Variants in PHACTR1 observed in about 807,000 individuals in gnomAD.
PHACTR1 encodes phosphatase and actin regulator 1, also known as RPEL repeat containing 1.
PHACTR1 carries 16 observed loss-of-function variants against 69.2 expected under a neutral mutation model. The ratio of observed to expected loss-of-function variants is 0.23; its 90% CI spans 0.16 to 0.35. The LOEUF is 0.35. Ranked by LOEUF, PHACTR1 falls within the 10% of genes least tolerant of loss-of-function variation. The probability of loss-of-function intolerance (pLI) is 1.00; values close to 1 mark genes in which losing one functional copy is unlikely to be tolerated. For missense variants in PHACTR1, 510 were observed against 734.7 expected, an observed-to-expected ratio of 0.69 and a Z score of 3.54; for synonymous variants, 312 against 284.5, an observed-to-expected ratio of 1.10 and a Z score of -0.97.
At chr6:13,020,985 T>C (rs1464418146) in intron 4 of PHACTR1, among the ~76,000 whole-genome samples, 1 of 152,128 alleles carries the variant, frequency 6.6e-6, no homozygotes, top group African/African-American at 2.4e-5. Context: ...TCCTGGAGGA[T>C]TTTTTAAAAA....
At chr6:13,112,278 T>C (rs928507126) in intron 5 of PHACTR1, among the ~76,000 whole-genome samples, 2 of 152,236 alleles carry the variant, frequency 1.3e-5, no homozygotes, top group African/African-American at 2.4e-5. Flanking sequence ...CAGTCTATCA[T>C]TGATGAGCGT....
intron 4 of PHACTR1, among the ~76,000 whole-genome samples, chr6:12,830,148 A>G (rs1034105092): frequency 2.5e-5 from 3 of 119,256 alleles, no homozygotes; most frequent in African/African-American, 7.8e-5. Context: ...AAAGAAAGAA[A>G]GAAAGAAAGA....
At chr6:13,043,342 G>A (rs1804488816) in intron 4 of PHACTR1, among the ~76,000 whole-genome samples, 1 of 152,126 alleles carries the variant, frequency 6.6e-6, no homozygotes, top group Non-Finnish European at 1.5e-5. Flanking sequence ...CACAAGAACC[G>A]CTTGAACCTG....
intron 4 of PHACTR1, among the ~76,000 whole-genome samples, chr6:13,051,117 C>T (rs1392586271): frequency 6.6e-6 from 1 of 152,046 alleles, no homozygotes; most frequent in African/African-American, 2.4e-5. Context: ...TCAGGCCGAC[C>T]CCCCCATTCT....
chr6:12,902,711 T>C (rs1785333288), intron 4 of PHACTR1, among the ~76,000 whole-genome samples: 1 of 152,226 alleles, frequency 6.6e-6, no homozygotes. Context: ...ATCAATCAAC[T>C]GGATGATGAT....
At chr6:12,873,037 G>T (rs1244354630) in intron 4 of PHACTR1, among the ~76,000 whole-genome samples, 3 of 146,896 alleles carry the variant, frequency 2.0e-5, no homozygotes, top group Non-Finnish European at 4.5e-5. Flanking sequence ...TTTCAACAGA[G>T]TCTTGTTTTG....
chr6:12,813,684 T>G (rs1323728324), intron 4 of PHACTR1, among the ~76,000 whole-genome samples: 1 of 152,154 alleles, frequency 6.6e-6, no homozygotes, highest in Non-Finnish European at 1.5e-5. Flanking sequence ...CTCTTACTAG[T>G]AAACTAAACT....
At chr6:13,041,058 C>CA (rs1804063218) in intron 4 of PHACTR1, among the ~76,000 whole-genome samples, 1 of 152,038 alleles carries the variant, frequency 6.6e-6, no homozygotes, top group South Asian at 2.1e-4. Flanking sequence ...TCCTATGTGG[C>CA]AAAATTAACA....
At position 12,841,165 on chromosome 6, in the gene PHACTR1, A is replaced by G. The variant is rs113079022; in HGVS notation, c.250+91375A>G. ...CACTTAATCCTCACAGCAATTCCTT[A>G]TGGTATGAGATAAGAAAACTGAGAT... On this transcript the variant is annotated intron_variant, in intron 4 of 14. Transcript: ENST00000332995. Among the ~76,000 whole-genome samples the G allele has an allele frequency of 9.4e-3, 1,432 of 152,324 alleles. 19 individuals are homozygous for G. Among genetic ancestry groups the G allele is most frequent in the African/African-American group, 0.033 (1,355 of 41,574 alleles).
intron 4 of PHACTR1, among the ~76,000 whole-genome samples, chr6:12,822,426 A>C (rs1022762056): frequency 2.6e-5 from 4 of 152,316 alleles, no homozygotes; most frequent in Non-Finnish European, 5.9e-5. Context: ...TACCACATGA[A>C]GGAGGGCTGG....
intron 5 of PHACTR1, among the ~76,000 whole-genome samples, chr6:13,092,456 A>C (rs1583320078): frequency 6.6e-6 from 1 of 152,338 alleles, no homozygotes; most frequent in East Asian, 1.9e-4. Flanking sequence ...AATGGTAAAG[A>C]ATCATTTGAG....
At chr6:12,936,704 C>T (rs781524418) in intron 4 of PHACTR1, among the ~76,000 whole-genome samples, 1 of 152,222 alleles carries the variant, frequency 6.6e-6, no homozygotes, top group Non-Finnish European at 1.5e-5. Context: ...AATGCGGCAG[C>T]AGGAGGACAA....
chr6:12,980,296 C>A (rs1341240436), intron 4 of PHACTR1, among the ~76,000 whole-genome samples: 1 of 151,986 alleles, frequency 6.6e-6, no homozygotes, highest in Non-Finnish European at 1.5e-5. Flanking sequence ...ATTATTTGGC[C>A]TGTTGATTTC....
intron 5 of PHACTR1, among the ~76,000 whole-genome samples, chr6:13,083,280 C>A (rs1421452196): frequency 3.3e-5 from 5 of 151,834 alleles, no homozygotes; most frequent in African/African-American, 1.2e-4. Context: ...TTTCTGAGGG[C>A]TCTGTTCTGT....
intron 4 of PHACTR1, among the ~76,000 whole-genome samples, chr6:12,768,183 C>T (rs1038683240): frequency 1.4e-5 from 2 of 141,290 alleles, no homozygotes; most frequent in Non-Finnish European, 3.0e-5. Flanking sequence ...GGCGCGATCT[C>T]GGCTCACTGC....
chr6:13,220,908 G>A (rs944546986), intron 8 of PHACTR1, among the ~76,000 whole-genome samples: 1 of 152,192 alleles, frequency 6.6e-6, no homozygotes, highest in African/African-American at 2.4e-5. Flanking sequence ...AAGATCATCA[G>A]CCTCTGTCTT....
chr6:12,741,884 T>G (rs1353157394), intron 3 of PHACTR1, among the ~76,000 whole-genome samples: 1 of 152,212 alleles, frequency 6.6e-6, no homozygotes, highest in Non-Finnish European at 1.5e-5. Flanking sequence ...TGAGCACGAT[T>G]ATTGCATATT....
intron 4 of PHACTR1, among the ~76,000 whole-genome samples, chr6:12,944,779 T>TTATTTC (rs367617126): frequency 7.2e-6 from 1 of 138,770 alleles, no homozygotes; most frequent in Non-Finnish European, 1.5e-5. Flanking sequence ...ATTTATTTAT[T>TTATTTC]TTTATTTATT....
chr6:13,112,113 G>A (rs982903423), intron 5 of PHACTR1, among the ~76,000 whole-genome samples: 4 of 152,088 alleles, frequency 2.6e-5, no homozygotes, highest in Non-Finnish European at 5.9e-5. Context: ...CCACTTATAA[G>A]TGAGAACATG....
Sources: gnomAD v4.1 joint callset for allele counts (sites outside exome capture counted in the v4.1 genomes callset) on GRCh38, gnomAD v4.1.1 for gene constraint, MANE v1.5 for transcripts, NCBI Gene and HGNC (gene_info 2026-07-23, HGNC 2026-07-21) for gene names.